RIMS2: variants seen among roughly 807,000 people sequenced by gnomAD.
RIMS2 encodes regulating synaptic membrane exocytosis 2.
RIMS2 carries 59 observed loss-of-function variants against 174.4 expected under a neutral mutation model. That is an observed-to-expected ratio of 0.34 (90% CI 0.27 to 0.42). The LOEUF is 0.42. Among genes scored for constraint, RIMS2 ranks in the 10% least tolerant of loss-of-function variants. The pLI is 1.00. For missense variants in RIMS2, 1,620 were observed against 1,666.3 expected (o/e 0.97, Z 0.48); for synonymous variants, 606 against 572.5 (o/e 1.06, Z -0.84).
At chr8:103,585,285 TTGG>T (rs1260021101) in intron 1 of RIMS2, among the ~76,000 whole-genome samples, 6 of 152,248 alleles carry the variant, frequency 3.9e-5, no homozygotes, top group Admixed American at 2.6e-4. Flanking sequence ...TTTTACACTG[TTGG>T]TGGGAGTGTA....
exon 4 of RIMS2, chr8:103,885,330 A>G: frequency 1.2e-6 from 2 of 1,609,176 alleles, no homozygotes; most frequent in Non-Finnish European, 1.7e-6. Context: ...AGAGATCAGA[A>G]TAGAAGATAC....
At chr8:103,706,446 A>G (rs1272088032) in intron 2 of RIMS2, among the ~76,000 whole-genome samples, 1 of 152,106 alleles carries the variant, frequency 6.6e-6, no homozygotes, top group Non-Finnish European at 1.5e-5. Flanking sequence ...TTTTAAAAAA[A>G]AATTGATTAA....
intron 19 of RIMS2, among the ~76,000 whole-genome samples, chr8:104,175,528 A>T (rs1019443731): frequency 6.6e-6 from 1 of 152,168 alleles, no homozygotes; most frequent in Non-Finnish European, 1.5e-5. Flanking sequence ...GTGCTAGCAA[A>T]TACTAAATCT....
intron 2 of RIMS2, among the ~76,000 whole-genome samples, chr8:103,755,691 TA>T (rs2097986595): frequency 6.6e-6 from 1 of 152,196 alleles, no homozygotes; most frequent in African/African-American, 2.4e-5. Flanking sequence ...CAATCTCTGA[TA>T]TCCTTTCTTC....
At chr8:104,233,003 G>A (rs979223009) in intron 19 of RIMS2, among the ~76,000 whole-genome samples, 1 of 151,950 alleles carries the variant, frequency 6.6e-6, no homozygotes, top group African/African-American at 2.4e-5. Context: ...AATATGATTA[G>A]CTATTTTTTA....
intron 19 of RIMS2, among the ~76,000 whole-genome samples, chr8:104,036,713 C>A (rs1286630233): frequency 6.6e-6 from 1 of 151,702 alleles, no homozygotes; most frequent in Non-Finnish European, 1.5e-5. Flanking sequence ...CCTGTCTCTA[C>A]TAAAAATACA....
At position 104,105,834 on chromosome 8, in the gene RIMS2, C is replaced by T. The variant is rs142433656; in HGVS notation, c.3334+91219C>T. Among the ~76,000 whole-genome samples, 1,116 of 151,588 alleles carry T rather than the reference C, an allele frequency of 7.4e-3. 17 individuals are homozygous for T. Among genetic ancestry groups the T allele is most frequent in the African/African-American group, 0.026 (1,071 of 41,360 alleles). On this transcript the variant is annotated intron_variant, in intron 19 of 23. Coordinates refer to ENST00000504942, the Ensembl canonical transcript of RIMS2. The stretch of plus-strand genomic sequence containing the variant: ...TGGGCAGATCATGAGCTCAGGAGAT[C>T]GAGACCATCCTGGCTAACATGGTGA...
intron 19 of RIMS2, among the ~76,000 whole-genome samples, chr8:104,233,829 G>A (rs1392127999): frequency 6.6e-6 from 1 of 152,126 alleles, no homozygotes; most frequent in Non-Finnish European, 1.5e-5. Context: ...TTAGACACAG[G>A]CTTTCAGCCT....
chr8:103,649,688 G>A (rs191129639), intron 1 of RIMS2, among the ~76,000 whole-genome samples: 4 of 144,650 alleles, frequency 2.8e-5, no homozygotes, highest in Admixed American at 7.0e-5. Context: ...CCTGTCTTAC[G>A]TCAGAAAGAC....
chr8:104,052,733 C>T (rs747859370), intron 19 of RIMS2, among the ~76,000 whole-genome samples: 10 of 151,878 alleles, frequency 6.6e-5, no homozygotes, highest in Non-Finnish European at 1.2e-4. Flanking sequence ...TTGGGGATGA[C>T]TAGGAGACAA....
chr8:103,573,179 C>G (rs1185852147), intron 1 of RIMS2, among the ~76,000 whole-genome samples: 1 of 152,034 alleles, frequency 6.6e-6, no homozygotes, highest in Non-Finnish European at 1.5e-5. Context: ...CCTCAGCCAC[C>G]CAAGTAGCTG....
chr8:103,762,086 T>TA (rs895892150), intron 2 of RIMS2, among the ~76,000 whole-genome samples: 1 of 151,952 alleles, frequency 6.6e-6, no homozygotes, highest in African/African-American at 2.4e-5. Context: ...TTTTGTGGTT[T>TA]AAAAAAGATA....
intron 17 of RIMS2, among the ~76,000 whole-genome samples, chr8:104,007,801 T>A (rs1231246629): frequency 6.6e-6 from 1 of 152,132 alleles, no homozygotes; most frequent in Non-Finnish European, 1.5e-5. Flanking sequence ...TGCTTGAAAA[T>A]GAGCACAAAT....
At chr8:103,729,102 T>G (rs2097561091) in intron 2 of RIMS2, among the ~76,000 whole-genome samples, 1 of 152,092 alleles carries the variant, frequency 6.6e-6, no homozygotes, top group Admixed American at 6.5e-5. Flanking sequence ...AGAATGAGTT[T>G]GGAAATATTC....
At chr8:103,978,628 T>C (rs1251039961) in intron 16 of RIMS2, among the ~76,000 whole-genome samples, 1 of 152,182 alleles carries the variant, frequency 6.6e-6, no homozygotes. Context: ...TAAAAACTAA[T>C]AAAAATACCT....
chr8:103,590,417 G>T (rs1001110788), intron 1 of RIMS2, among the ~76,000 whole-genome samples: 1 of 151,270 alleles, frequency 6.6e-6, no homozygotes, highest in Non-Finnish European at 1.5e-5. Context: ...AAAATCTCAT[G>T]TTTTAATGCC....
intron 19 of RIMS2, among the ~76,000 whole-genome samples, chr8:104,122,414 G>A (rs1373704890): frequency 1.3e-5 from 2 of 152,098 alleles, no homozygotes; most frequent in African/African-American, 4.8e-5. Context: ...TAGGGCTGGA[G>A]GGGTGATCTT....
intron 1 of RIMS2, among the ~76,000 whole-genome samples, chr8:103,549,850 C>A (rs74454885): frequency 2.0e-5 from 3 of 151,876 alleles, no homozygotes; most frequent in Non-Finnish European, 4.4e-5. Flanking sequence ...ACTTTAAACC[C>A]ACAAAGATCA....
At chr8:103,598,233 C>T (rs1322425430) in intron 1 of RIMS2, among the ~76,000 whole-genome samples, 1 of 152,146 alleles carries the variant, frequency 6.6e-6, no homozygotes, top group Non-Finnish European at 1.5e-5. Flanking sequence ...AATAACATTA[C>T]TGTCTCTGAG....
Sources: allele counts gnomAD v4.1 joint callset (sites outside exome capture counted in the v4.1 genomes callset), GRCh38; gene constraint gnomAD v4.1.1; transcripts MANE v1.5; gene names NCBI Gene and HGNC (gene_info 2026-07-23, HGNC 2026-07-21).